Variants in KIAA1217 observed in about 807,000 individuals in gnomAD.
The protein encoded by KIAA1217 is sickle tail protein homolog.
Under a neutral mutation model 163.9 loss-of-function variants are expected in KIAA1217, and 88 were observed. The ratio of observed to expected loss-of-function variants is 0.54; its 90% confidence interval spans 0.45 to 0.64. The LOEUF is 0.64. Among genes scored for constraint, KIAA1217 ranks in the 30% least tolerant of loss-of-function variants. KIAA1217 has a pLI of 0.00. For missense variants in KIAA1217, 2,372 were observed against 2,475.0 expected (o/e 0.96, Z 0.88); for synonymous variants, 903 against 923.1 (o/e 0.98, Z 0.39).
intron 1 of KIAA1217, among the ~76,000 whole-genome samples, chr10:23,865,964 T>C (rs1840160109): frequency 6.6e-6 from 1 of 152,188 alleles, no homozygotes; most frequent in Non-Finnish European, 1.5e-5. Context: ...GGAAACTTTA[T>C]AATAAAGTTT....
In KIAA1217 at chr10:24,484,157, ATG is replaced by A. The variant is rs543041144; in HGVS notation, c.1679+10105_1679+10106del. On this transcript the variant is annotated intron_variant, in intron 6 of 20. Transcript: ENST00000376454. Reference sequence around the variant, plus strand: ...TGTGTATATATATGTATATATGTATATGTGTGTGTATATATATATAGATATAC... The same window carrying A: ...TGTGTATATATATGTATATATGTATATGTGTGTATATATATATAGATATAC... Among the ~76,000 whole-genome samples, 507 of 145,398 alleles carry A rather than the reference ATG, an allele frequency of 3.5e-3. 3 individuals carry two copies. Among genetic ancestry groups the A allele is most frequent in the Admixed American group, 5.8e-3 (83 of 14,410 alleles).
At chr10:23,922,770 C>G (rs956434757) in intron 1 of KIAA1217, among the ~76,000 whole-genome samples, 3 of 152,116 alleles carry the variant, frequency 2.0e-5, no homozygotes, top group Middle Eastern at 3.4e-3. Flanking sequence ...AAGGGGGATG[C>G]TTTTAATGAC....
At chr10:23,946,052 A>T (rs1046463441) in intron 1 of KIAA1217, among the ~76,000 whole-genome samples, 4 of 152,162 alleles carry the variant, frequency 2.6e-5, no homozygotes, top group African/African-American at 9.7e-5. Context: ...GGTTTTTGCC[A>T]TTAATAGTTA....
chr10:24,446,688 C>T (rs1457722830), intron 5 of KIAA1217, among the ~76,000 whole-genome samples: 1 of 152,228 alleles, frequency 6.6e-6, no homozygotes, highest in Admixed American at 6.5e-5. Flanking sequence ...ACTAACATTC[C>T]TGACGTGCTT....
At chr10:24,209,975 A>G (rs2067860101) in intron 1 of KIAA1217, among the ~76,000 whole-genome samples, 1 of 152,156 alleles carries the variant, frequency 6.6e-6, no homozygotes, top group Non-Finnish European at 1.5e-5. Flanking sequence ...TTGGGTGGCC[A>G]GAGGAGGTCC....
chr10:24,212,133 A>T (rs1429698188), intron 1 of KIAA1217, among the ~76,000 whole-genome samples: 1 of 152,088 alleles, frequency 6.6e-6, no homozygotes, highest in Non-Finnish European at 1.5e-5. Context: ...GAGGAGAGGA[A>T]AAAAGAAAAG....
Position 23,749,379 on chromosome 10 carries a change from C to G in KIAA1217, c.-321+54145C>G, listed in dbSNP as rs577648221. 6.0e-4 allele frequency among the ~76,000 whole-genome samples: 92 copies of G among 152,224 alleles called. 1 individual carries two copies. The highest frequency in any genetic ancestry group is 1.8e-3 in the African/African-American group (73 of 41,556). On this transcript the variant is annotated intron_variant, in intron 1 of 18. Coordinates refer to the KIAA1217 transcript ENST00000376462. ...TCCCTTTGTTCTCTGCCATCTTTAC[C>G]CATTTCTAAATGTTGGTGTCCCTTA...
chr10:24,213,987 C>A (rs1439349642), intron 1 of KIAA1217, among the ~76,000 whole-genome samples: 4 of 150,458 alleles, frequency 2.7e-5, no homozygotes, highest in Admixed American at 6.6e-5. Context: ...CCCATCTCTA[C>A]AAAAAAAAAT....
intron 1 of KIAA1217, among the ~76,000 whole-genome samples, chr10:23,700,351 G>A (rs149231503): frequency 2.4e-4 from 37 of 152,086 alleles, no homozygotes; most frequent in African/African-American, 8.7e-4. Flanking sequence ...CTGAATTATT[G>A]CAGTGACTTC....
At chr10:23,907,480 A>G (rs1187186911) in intron 1 of KIAA1217, among the ~76,000 whole-genome samples, 4 of 152,114 alleles carry the variant, frequency 2.6e-5, no homozygotes, top group African/African-American at 9.7e-5. Flanking sequence ...AGCCAGTGGT[A>G]TAATTCAGTC....
chr10:23,701,951 T>C (rs1836479419), intron 1 of KIAA1217, among the ~76,000 whole-genome samples: 1 of 152,248 alleles, frequency 6.6e-6, no homozygotes, highest in Non-Finnish European at 1.5e-5. Context: ...GGTTTTGCTT[T>C]ACCAGAGAAA....
chr10:24,350,774 A>G (rs566666162), intron 2 of KIAA1217, among the ~76,000 whole-genome samples: 11 of 151,502 alleles, frequency 7.3e-5, no homozygotes, highest in Middle Eastern at 3.4e-3. Flanking sequence ...TCCCTCCTGC[A>G]TTCATGGGAG....
chr10:24,241,258 AG>A (rs1750531511), intron 2 of KIAA1217, among the ~76,000 whole-genome samples: 1 of 152,156 alleles, frequency 6.6e-6, no homozygotes, highest in Non-Finnish European at 1.5e-5. Context: ...TTCTCATTTT[AG>A]GAGGCATAGA....
Position 24,428,019 on chromosome 10 carries a change from C to A in KIAA1217, c.554-4976C>A, listed in dbSNP as rs2059306564. Among the ~76,000 whole-genome samples, 4 of 152,228 alleles carry A rather than the reference C, an allele frequency of 2.6e-5. No individual in the cohort carries two copies. In the South Asian group the frequency reaches 8.3e-4, roughly 32 times the overall value. The stretch of plus-strand genomic sequence containing the variant: ...TGCACCCAGCTGGCAGCTGCACCAG[C>A]CAGACCCTGAGGTAACTATAGTTTA... On this transcript the variant is annotated intron_variant, in intron 3 of 20. Coordinates refer to ENST00000376454, the MANE Select transcript of KIAA1217 (RefSeq NM_019590.5).
chr10:24,213,368 T>C (rs1247789823), intron 1 of KIAA1217, among the ~76,000 whole-genome samples: 1 of 152,186 alleles, frequency 6.6e-6, no homozygotes, highest in Non-Finnish European at 1.5e-5. Context: ...GAAACCTCTA[T>C]GCAAGTGAAG....
chr10:23,807,868 T>G (rs187671854), intron 1 of KIAA1217, among the ~76,000 whole-genome samples: 1 of 152,256 alleles, frequency 6.6e-6, no homozygotes, highest in Non-Finnish European at 1.5e-5. Flanking sequence ...TGCTGGCAAT[T>G]GGAGTTTTAA....
intron 3 of KIAA1217, among the ~76,000 whole-genome samples, chr10:24,427,247 C>T (rs1480148729): frequency 6.6e-6 from 1 of 151,956 alleles, no homozygotes; most frequent in Admixed American, 6.6e-5. Flanking sequence ...CATTCTAACC[C>T]TGTGATGGCA....
chr10:23,785,175 A>G (rs1274563672), intron 1 of KIAA1217, among the ~76,000 whole-genome samples: 1 of 152,152 alleles, frequency 6.6e-6, no homozygotes, highest in Non-Finnish European at 1.5e-5. Context: ...ACTCTCCAGC[A>G]TAATCATGTG....
intron 2 of KIAA1217, among the ~76,000 whole-genome samples, chr10:24,240,007 G>T (rs1218772893): frequency 1.3e-5 from 2 of 152,128 alleles, no homozygotes; most frequent in East Asian, 3.9e-4. Context: ...GGAGGAAGGT[G>T]GGGTGTGGGT....
Sources: gnomAD v4.1 joint callset for allele counts (sites outside exome capture counted in the v4.1 genomes callset) on GRCh38, gnomAD v4.1.1 for gene constraint, MANE v1.5 for transcripts, NCBI Gene and HGNC (gene_info 2026-07-23, HGNC 2026-07-21) for gene names.